Variants in NLGN1 observed in about 807,000 individuals in gnomAD.
The protein encoded by NLGN1 is neuroligin-1.
A neutral mutation model predicts 65.5 loss-of-function variants in NLGN1; 12 were observed. That is an observed-to-expected ratio of 0.18 (90% CI 0.12 to 0.30). The LOEUF (loss-of-function observed/expected upper bound fraction) is 0.30. NLGN1 is among the 10% of genes least tolerant of loss of function. The probability of loss-of-function intolerance (pLI) is 1.00; values close to 1 mark genes in which losing one functional copy is unlikely to be tolerated. For missense variants in NLGN1, 750 were observed against 1,007.1 expected, an observed-to-expected ratio of 0.74 and a Z score of 3.46; for synonymous variants, 350 against 359.5, an observed-to-expected ratio of 0.97 and a Z score of 0.30.
At chr3:173,977,175 T>A (rs958680307) in intron 4 of NLGN1, among the ~76,000 whole-genome samples, 2 of 151,856 alleles carry the variant, frequency 1.3e-5, no homozygotes, top group African/African-American at 4.8e-5. Context: ...TAGAAAGATA[T>A]TCATCCTATG....
At chr3:173,979,272 T>A (rs1488273718) in intron 4 of NLGN1, among the ~76,000 whole-genome samples, 2 of 151,864 alleles carry the variant, frequency 1.3e-5, no homozygotes, top group African/African-American at 4.8e-5. Flanking sequence ...AAGGAAAAAG[T>A]GGGATACCAA....
intron 4 of NLGN1, among the ~76,000 whole-genome samples, chr3:174,084,736 G>C (rs1417702471): frequency 6.6e-6 from 1 of 151,852 alleles, no homozygotes; most frequent in African/African-American, 2.4e-5. Flanking sequence ...TGTAATCTTT[G>C]TTCCACTTTT....
intron 4 of NLGN1, among the ~76,000 whole-genome samples, chr3:174,022,475 G>T (rs1727939013): frequency 1.3e-5 from 2 of 152,132 alleles, no homozygotes; most frequent in South Asian, 4.1e-4. Context: ...GCCAATAATG[G>T]TGACTCCGGA....
At chr3:173,566,300 G>A (rs1315521922) in intron 2 of NLGN1, among the ~76,000 whole-genome samples, 8 of 152,106 alleles carry the variant, frequency 5.3e-5, no homozygotes, top group African/African-American at 9.7e-5. Flanking sequence ...GGTTTTAATC[G>A]TTAGGCATTG....
intron 3 of NLGN1, among the ~76,000 whole-genome samples, chr3:173,701,890 A>G (rs1181960241): frequency 6.6e-6 from 1 of 152,182 alleles, no homozygotes; most frequent in Non-Finnish European, 1.5e-5. Context: ...TTTAATTTCT[A>G]CTGTGCTGCC....
chr3:174,141,401 GA>G (rs143968825), intron 4 of NLGN1, among the ~76,000 whole-genome samples: 2 of 151,740 alleles, frequency 1.3e-5, no homozygotes, highest in African/African-American at 4.8e-5. Flanking sequence ...ATGTGAAGAA[GA>G]AAAAAAATCG....
At chr3:173,740,257 G>A (rs901138277) in intron 3 of NLGN1, among the ~76,000 whole-genome samples, 4 of 152,028 alleles carry the variant, frequency 2.6e-5, no homozygotes, top group African/African-American at 4.8e-5. Flanking sequence ...TATGGAACGA[G>A]ACAGTTAGTT....
chr3:173,747,101 C>A (rs565197891), intron 3 of NLGN1, among the ~76,000 whole-genome samples: 1 of 149,232 alleles, frequency 6.7e-6, no homozygotes, highest in African/African-American at 2.5e-5. Flanking sequence ...CAAACACACA[C>A]GTGTGTATAC....
At chr3:173,719,234 A>C (rs924483276) in intron 3 of NLGN1, among the ~76,000 whole-genome samples, 3 of 152,092 alleles carry the variant, frequency 2.0e-5, no homozygotes, top group East Asian at 3.9e-4. Flanking sequence ...AAATGGCAAA[A>C]ATTTATTTTG....
chr3:173,602,373 T>G (rs905854378), intron 2 of NLGN1, among the ~76,000 whole-genome samples: 1 of 151,968 alleles, frequency 6.6e-6, no homozygotes. Context: ...CTGAAAATTT[T>G]GGGGGGTCAA....
rs78607790 is a variant in NLGN1, at chr3:173,961,051, T to G, written c.646+153219T>G. Among the ~76,000 whole-genome samples the G allele has an allele frequency of 9.5e-4, 145 of 152,238 alleles. 2 individuals are homozygous for G. The East Asian group carries it at 0.024, about 26-fold the overall frequency. On this transcript the variant is annotated intron_variant, in intron 4 of 6. Transcript: ENST00000457714. The stretch of plus-strand genomic sequence containing the variant: ...TAGTCATTCTTTAGGTGTGGTTTTA[T>G]GAATAGCATTTAGATTTGGTTTTCT...
rs148817913 is a variant in NLGN1, at chr3:173,528,201, C to G, written c.-320-76078C>G. Reference sequence around the variant, plus strand: ...CTTGTCTGGAAATGACTTTATTTCCCTTTCATTTATGAAGCTTAGTCTGGC... The same window carrying G: ...CTTGTCTGGAAATGACTTTATTTCCGTTTCATTTATGAAGCTTAGTCTGGC... On this transcript the variant is annotated intron_variant, in intron 2 of 6. Coordinates refer to ENST00000457714, the Ensembl canonical transcript of NLGN1. Among the ~76,000 whole-genome samples the G allele has an allele frequency of 5.4e-3, 823 of 152,218 alleles. 10 individuals are homozygous for G. The highest frequency in any genetic ancestry group is 0.019 in the African/African-American group (782 of 41,512).
intron 4 of NLGN1, among the ~76,000 whole-genome samples, chr3:174,233,810 A>G (rs1741169460): frequency 6.6e-6 from 1 of 152,232 alleles, no homozygotes; most frequent in African/African-American, 2.4e-5. Flanking sequence ...ATATAATTTA[A>G]TGGTATTATT....
chr3:173,563,343 A>T (rs1464082300), intron 2 of NLGN1, among the ~76,000 whole-genome samples: 1 of 152,214 alleles, frequency 6.6e-6, no homozygotes. Flanking sequence ...CCTTTGAGAG[A>T]TGCCCCATCC....
intron 4 of NLGN1, among the ~76,000 whole-genome samples, chr3:174,078,942 A>G (rs1282381998): frequency 2.0e-5 from 3 of 152,166 alleles, no homozygotes; most frequent in Admixed American, 2.0e-4. Flanking sequence ...CATTTCTATA[A>G]ATGAAGATTA....
downstream of NLGN1, among the ~76,000 whole-genome samples, chr3:174,288,545 C>G (rs546139673): frequency 7.9e-5 from 12 of 151,396 alleles, no homozygotes; most frequent in East Asian, 2.3e-3. Context: ...GAATTGATCT[C>G]AAATATTTAA....
At chr3:174,256,447 G>T (rs907812204) in intron 4 of NLGN1, among the ~76,000 whole-genome samples, 1 of 152,014 alleles carries the variant, frequency 6.6e-6, no homozygotes, top group Non-Finnish European at 1.5e-5. Context: ...ATATTACCAT[G>T]CTGTTTCCAT....
intron 4 of NLGN1, among the ~76,000 whole-genome samples, chr3:174,049,104 A>G (rs1734242418): frequency 6.6e-6 from 1 of 152,094 alleles, no homozygotes; most frequent in Non-Finnish European, 1.5e-5. Flanking sequence ...AGATTAAAGA[A>G]GGGAGGAGGA....
intron 4 of NLGN1, among the ~76,000 whole-genome samples, chr3:174,043,126 A>G (rs1223440737): frequency 1.3e-5 from 2 of 152,204 alleles, no homozygotes; most frequent in Non-Finnish European, 2.9e-5. Flanking sequence ...TGAGAACAGT[A>G]TAAGGGAAGC....
Sources: gnomAD v4.1 joint callset for allele counts (sites outside exome capture counted in the v4.1 genomes callset) on GRCh38, gnomAD v4.1.1 for gene constraint, MANE v1.5 for transcripts, NCBI Gene and HGNC (gene_info 2026-07-23, HGNC 2026-07-21) for gene names.